The following DMWD variants were observed in gnomAD, a reference collection of about 807,000 sequenced individuals.
DMWD encodes the protein dystrophia myotonica WD repeat-containing protein.
Under a neutral mutation model 45.8 loss-of-function variants are expected in DMWD, and 19 were observed. The ratio of observed to expected loss-of-function variants is 0.41; its 90% confidence interval spans 0.29 to 0.61. The LOEUF (loss-of-function observed/expected upper bound fraction) is 0.61. Ranked by LOEUF, DMWD falls within the 20% of genes least tolerant of loss-of-function variation. The probability of loss-of-function intolerance (pLI) is 0.25; values close to 1 mark genes in which losing one functional copy is unlikely to be tolerated. For missense variants in DMWD, 802 were observed against 965.2 expected (o/e 0.83, Z 2.24); for synonymous variants, 515 against 440.5 (o/e 1.17, Z -2.12).
rs570001998 is a variant in DMWD, at chr19:45,783,586, G to A, written c.*657C>T. 330 of 398,778 alleles carry A rather than the reference G, an allele frequency of 8.3e-4. No homozygotes were observed. The highest frequency in any genetic ancestry group is 4.5e-3 in the African/African-American group (218 of 48,718). 24.7% of individuals were successfully genotyped at this position (398,778 alleles called of 1,614,324 possible). On this transcript the variant is annotated 3_prime_UTR_variant, in exon 5 of 5. Coordinates refer to ENST00000270223, the MANE Select transcript of DMWD (RefSeq NM_004943.2). ...CAGGTCCGTTCCCTCCCTGGGCTCC[G>A]GCTTTTCCTGCTATGAAAAGGGGTG...
intron 2 of DMWD, 153 bp from the exon 3 acceptor site, chr19:45,787,024 C>A (rs906657035): frequency 2.2e-6 from 3 of 1,340,964 alleles, no homozygotes; most frequent in Non-Finnish European, 2.0e-6. Flanking sequence ...AGAGAAGCTC[C>A]CAAACTGGGG....
chr19:45,786,111 AGGGTGCGGGTGCGGGCCAGGGGG>A lies in DMWD; in HGVS notation c.1362_1384del (p.Leu456TrpfsTer228). On this transcript the variant is annotated frameshift_variant, in exon 3 of 5. Coordinates refer to ENST00000270223, the MANE Select transcript of DMWD (RefSeq NM_004943.2). LOFTEE classifies it high-confidence loss of function. ...TGGCGTGGTGCCAGGTGTGCCAGGG[AGGGTGCGGGTGCGGGCCAGGGGG>A]GGGTGCGGGTAGAGCACGTCTTCAG... 1.3e-6 allele frequency: 2 copies of A among 1,530,024 alleles called. No individual in the cohort carries two copies. The highest frequency in any genetic ancestry group is 1.8e-6 in the Non-Finnish European group (2 of 1,136,436). The allele number at this position is 1,530,024 out of a possible 1,614,324, so 94.8% of individuals were successfully genotyped here. A position where few individuals can be genotyped will look rare whatever the true frequency, so the allele number is the denominator to read the frequency against.
Position 45,786,687 on chromosome 19 carries a change from C to T in DMWD, c.809G>A (p.Ser270Asn). The change falls in exon 3 of 5, where the codon AGC becomes AAC. Residue 270 changes from serine to asparagine, a missense_variant. Ser to Asn is a conservative substitution (Grantham distance 46). Transcript: ENST00000270223. ...GGCCAGCGGGTTGCGGGGTGCCTTG[C>T]TCTTGGCAGCATAGACAGAGAAGCC... ...GEGFSVYAAK[S>N]KAPRNPLAKW... 1.9e-6 allele frequency: 3 copies of T among 1,611,294 alleles called. No individual in the cohort carries two copies. Among genetic ancestry groups the T allele is most frequent in the Non-Finnish European group, 2.5e-6 (3 of 1,177,838 alleles).
rs572060917 is a variant in DMWD, at chr19:45,792,832, G to A, written c.-76C>T. ...GCCCCCTCCCGGAAGCCGCTGGCCC[G>A]CGCCGGAAAAGGTGGGGTCGTCGCC... On this transcript the variant is annotated 5_prime_UTR_variant, in exon 1 of 5. Coordinates refer to ENST00000270223, the MANE Select transcript of DMWD (RefSeq NM_004943.2). The A allele has an allele frequency of 3.8e-6, 4 of 1,060,858 alleles. No individual in the cohort carries two copies. Among genetic ancestry groups the A allele is most frequent in the African/African-American group, 1.7e-5 (1 of 58,956 alleles). The allele number at this position is 1,060,858 out of a possible 1,614,324, so 65.7% of individuals were successfully genotyped here.
rs565016861 is a variant in DMWD at position 45,792,106 on chromosome 19, C to T, written c.441+210G>A. On this transcript the variant is annotated intron_variant, in intron 1 of 4. Transcript: ENST00000270223. The stretch of plus-strand genomic sequence containing the variant: ...CATAACGGGGGTAAAGGGGATTTCC[C>T]CCATCACCTCCAAGATGCCTGCCCA... Among the ~76,000 whole-genome samples the T allele has an allele frequency of 5.9e-5, 9 of 152,258 alleles. No homozygotes were observed. In the South Asian group the frequency reaches 1.9e-3, roughly 32 times the overall value.
chr19:45,786,076 T>A lies in DMWD; in HGVS notation c.1420A>T (p.Ser474Cys), dbSNP rs992337951. ...CCAGGCTCGCCACCCCTCGAGCTGC[T>A]GGCGGCCGGTGGCGTGGTGCCAGGT... ...GTPGTTPPAA[S>C]SSRGGEPGPG... Residue 474 changes from serine to cysteine, a missense_variant, in exon 3 of 5, where the codon AGC (serine) becomes TGC (cysteine). Ser to Cys is a moderately radical substitution (Grantham distance 112). Coordinates refer to ENST00000270223, the MANE Select transcript of DMWD (RefSeq NM_004943.2). The A allele has an allele frequency of 4.6e-6, 7 of 1,515,170 alleles. No individual in the cohort carries two copies. In the Admixed American group the frequency reaches 1.1e-4, roughly 23 times the overall value. 93.9% of individuals were successfully genotyped at this position (1,515,170 alleles called of 1,614,324 possible). A position where few individuals can be genotyped will look rare whatever the true frequency, so the allele number is the denominator to read the frequency against.
rs970113580 is a variant in DMWD, at chr19:45,783,236, C to T, written c.*1007G>A. 1.4e-5 allele frequency: 3 copies of T among 221,304 alleles called. No individual in the cohort carries two copies. Among genetic ancestry groups the T allele is most frequent in the East Asian group, 9.0e-5 (1 of 11,118 alleles). The allele number at this position is 221,304 out of a possible 1,614,324, so 13.7% of individuals were successfully genotyped here. A position where few individuals can be genotyped will look rare whatever the true frequency, so the allele number is the denominator to read the frequency against. ...ACATTTCGGGGGGTGGAGGGTGGCG[C>T]GGGAAGACACACTCCCTGCGGCTCC... On this transcript the variant is annotated 3_prime_UTR_variant, in exon 5 of 5. Transcript: ENST00000270223.
At chr19:45,788,677 C>T (rs997628721) in intron 2 of DMWD, among the ~76,000 whole-genome samples, 2 of 152,136 alleles carry the variant, frequency 1.3e-5, no homozygotes, top group African/African-American at 4.8e-5. Context: ...GCCTATAATC[C>T]CAGCGCTTTG....
intron 2 of DMWD, among the ~76,000 whole-genome samples, chr19:45,788,344 G>C (rs1354110905): frequency 6.6e-6 from 1 of 152,192 alleles, no homozygotes; most frequent in African/African-American, 2.4e-5. Context: ...TGCAACTAAG[G>C]AGCTGCTCTC....
chr19:45,792,786 C>G lies in DMWD; in HGVS notation c.-30G>C, dbSNP rs1450863328. 5 of 1,106,356 alleles carry G rather than the reference C, an allele frequency of 4.5e-6. No individual in the cohort carries two copies. The highest frequency in any genetic ancestry group is 4.3e-5 in the South Asian group (1 of 23,164). The allele number at this position is 1,106,356 out of a possible 1,614,324, so 68.5% of individuals were successfully genotyped here. ...GGCGCCCCCCGGGCCCCGCCACTGCCGGACTGCCGCCCGCAGCCGGGCCCC... is the reference window on the plus strand; with the variant it reads ...GGCGCCCCCCGGGCCCCGCCACTGCGGGACTGCCGCCCGCAGCCGGGCCCC... On this transcript the variant is annotated 5_prime_UTR_variant, in exon 1 of 5. Transcript: ENST00000270223.
At chr19:45,784,389 T>C in intron 4 of DMWD, 99 bp from the exon 5 acceptor site, 1 of 1,356,198 alleles carries the variant, frequency 7.4e-7, no homozygotes, top group East Asian at 2.4e-5. Flanking sequence ...CCAAAGCTGC[T>C]GCCACCCTGG....
rs200084061 is a variant in DMWD at position 45,792,361 on chromosome 19, A to T, written c.396T>A (p.Arg132=). ...AGCAGCCTGGGTAGAAATAGAGCTC[A>T]CGGCCCAAGTTGAAGCAGACGCGGT... ...GGDRVCFNLG[R]ELYFYPGCCR... is the part of the protein sequence containing the mutation. Residue 132 remains arginine, a synonymous_variant, in exon 1 of 5, where the codon CGT becomes CGA. Transcript: ENST00000270223. 3 of 1,611,038 alleles carry T rather than the reference A, an allele frequency of 1.9e-6. No individual in the cohort carries two copies. The East Asian group carries it at 6.7e-5, about 36-fold the overall frequency.
rs1229737214 is a variant in DMWD at position 45,792,600 on chromosome 19, G to C, written c.157C>G (p.Pro53Ala). ...GGCTGCGGTGGCTGAGGCGGCACCG[G>C]AGTCTGGGCGGAAGCCGGACCCGAC... ...RRSGPASAQTPVPPQPPQPPP... is the reference protein window; with the variant it reads ...RRSGPASAQTAVPPQPPQPPP... The change falls in exon 1 of 5, where the codon CCG (proline) becomes GCG (alanine). Residue 53 changes from proline to alanine, a missense_variant. Physicochemically the swap from Pro to Ala is conservative, Grantham distance 27. This residue lies in a region of DMWD where 151 missense variants were observed against 128.1 expected (regional missense o/e 1.18). Coordinates refer to ENST00000270223, the MANE Select transcript of DMWD (RefSeq NM_004943.2). 8 of 1,312,136 alleles carry C rather than the reference G, an allele frequency of 6.1e-6. No individual in the cohort carries two copies. In the African/African-American group the frequency reaches 1.1e-4, roughly 18 times the overall value. 81.3% of individuals were successfully genotyped at this position (1,312,136 alleles called of 1,614,324 possible). A position where few individuals can be genotyped will look rare whatever the true frequency, so the allele number is the denominator to read the frequency against.
At position 45,786,324 on chromosome 19, in the gene DMWD, C is replaced by T. The variant is rs1324219941; in HGVS notation, c.1172G>A (p.Gly391Asp). 6.2e-7 allele frequency: 1 copy of T among 1,606,732 alleles called. No individual in the cohort carries two copies. The highest frequency in any genetic ancestry group is 8.5e-7 in the Non-Finnish European group (1 of 1,174,928). Residue 391 changes from glycine to aspartate, a missense_variant, in exon 3 of 5, where the codon GGT becomes GAT. By Grantham distance (94) the Gly-to-Asp change is moderately conservative. Coordinates refer to ENST00000270223, the MANE Select transcript of DMWD (RefSeq NM_004943.2). ...TTCGCCGCTCCGCTCCCCATCAGCA[C>T]CGGCTGCTGTCGCCGCCTCCTCTGC... is the stretch of plus-strand genomic sequence containing the variant. The part of the protein sequence containing the change: ...TRAEEAATAA[G>D]ADGERSGEEE...
chr19:45,786,960 G>A, intron 2 of DMWD, 89 bp from the exon 3 acceptor site: 1 of 1,522,464 alleles, frequency 6.6e-7, no homozygotes, highest in Non-Finnish European at 8.8e-7. Flanking sequence ...GAAGGCCGTT[G>A]GACATGGCCC....
chr19:45,790,895 C>A lies in DMWD; in HGVS notation c.624+10G>T, dbSNP rs779127573. 1 of 1,594,578 alleles carries A rather than the reference C, an allele frequency of 6.3e-7. No individual in the cohort carries two copies. The highest frequency in any genetic ancestry group is 2.2e-5 in the East Asian group (1 of 44,668). The stretch of plus-strand genomic sequence containing the variant: ...GCAGAGAAGTTGGGGGCTCTGGGGG[C>A]TGCAATCACCTCCTCATTGAACAGC... On this transcript the variant is annotated intron_variant, in intron 2 of 4. Transcript: ENST00000270223.
Position 45,792,621 on chromosome 19 carries a change from C to T in DMWD, c.136G>A (p.Gly46Ser). 1 of 1,330,988 alleles carries T rather than the reference C, an allele frequency of 7.5e-7. No homozygotes were observed. The allele number at this position is 1,330,988 out of a possible 1,614,324, so 82.4% of individuals were successfully genotyped here. Residue 46 changes from glycine (G) to serine (S), a missense_variant, in exon 1 of 5, where the codon GGT becomes AGT. Gly to Ser is a moderately conservative substitution (Grantham distance 56). This residue lies in a region of DMWD where 151 missense variants were observed against 128.1 expected (regional missense o/e 1.18). Transcript: ENST00000270223. ...LPGDGAARRS[G>S]PASAQTPVPP... The stretch of plus-strand genomic sequence containing the variant: ...ACCGGAGTCTGGGCGGAAGCCGGAC[C>T]CGACCTGCGAGCGGCGCCGTCGCCC...
chr19:45,786,924 A>G (rs1970287813), intron 2 of DMWD, 53 bp from the exon 3 acceptor site: 2 of 1,562,788 alleles, frequency 1.3e-6, no homozygotes, highest in East Asian at 2.4e-5. Flanking sequence ...CCCAGGCAGA[A>G]CTTCTCCCCG....
In DMWD at chr19:45,785,976, C is replaced by T; in HGVS notation, c.1520G>A (p.Gly507Asp). Reference protein sequence around the residue: ...PHPAGGGKAGGPGVAAEPGTP... With the variant: ...PHPAGGGKAGDPGVAAEPGTP... ...GCCAGGCTCTGCCGCCACACCCGGG[C>T]CGCCCGCCTTGCCCCCGCCAGCTGG... is the stretch of plus-strand genomic sequence containing the variant. The change falls in exon 3 of 5, where the codon GGC becomes GAC. Residue 507 changes from glycine to aspartate, a missense_variant. Gly to Asp is a moderately conservative substitution (Grantham distance 94). Coordinates refer to ENST00000270223, the MANE Select transcript of DMWD (RefSeq NM_004943.2). 1 of 1,574,198 alleles carries T rather than the reference C, an allele frequency of 6.4e-7. No individual in the cohort carries two copies. The highest frequency in any genetic ancestry group is 1.2e-5 in the South Asian group (1 of 86,854).
Sources: allele counts gnomAD v4.1 joint callset (sites outside exome capture counted in the v4.1 genomes callset), GRCh38; gene constraint gnomAD v4.1.1; regional missense constraint gnomAD v4.1.1; transcripts MANE v1.5; gene names NCBI Gene and HGNC (gene_info 2026-07-23, HGNC 2026-07-21).